The following VWA2 variants were observed in gnomAD, a reference collection of about 807,000 sequenced individuals.
VWA2 encodes the protein von Willebrand factor A domain-containing protein 2.
Under a neutral mutation model 70.4 loss-of-function variants are expected in VWA2, and 73 were observed. That is an observed-to-expected ratio of 1.04 (90% CI 0.86 to 1.26). The LOEUF is 1.26. Among genes scored for constraint, VWA2 ranks in the 50% most tolerant of loss-of-function variants. The pLI is 0.00. For synonymous variants in VWA2, 407 were observed against 423.3 expected, an observed-to-expected ratio of 0.96 and a Z score of 0.47; for missense variants, 1,011 against 998.5, an observed-to-expected ratio of 1.01 and a Z score of -0.17.
At chr10:114,242,344 A>G (rs2036987586) in intron 1 of VWA2, among the ~76,000 whole-genome samples, 1 of 152,210 alleles carries the variant, frequency 6.6e-6, no homozygotes, top group South Asian at 2.1e-4. Flanking sequence ...GAATTTACCC[A>G]GGAGGCTCAT....
intron 6 of VWA2, among the ~76,000 whole-genome samples, chr10:114,273,427 A>G (rs989260712): frequency 1.3e-5 from 2 of 152,196 alleles, no homozygotes; most frequent in Admixed American, 6.5e-5. Flanking sequence ...TCCACAGTTT[A>G]ACAATCCAAT....
chr10:114,242,409 A>C (rs1453332328), intron 1 of VWA2, among the ~76,000 whole-genome samples: 1 of 152,170 alleles, frequency 6.6e-6, no homozygotes, highest in African/African-American at 2.4e-5. Context: ...TGTGTACCGC[A>C]TGCCTCATAG....
rs1403193809 is a variant in VWA2 at position 114,278,637 on chromosome 10, G to A, written c.701-82G>A. 4 of 1,577,034 alleles carry A rather than the reference G, an allele frequency of 2.5e-6. No individual in the cohort carries two copies. The African/African-American group carries it at 4.0e-5, about 16-fold the overall frequency. Reference sequence around the variant, plus strand: ...GTGGTGGAACCTCCCAGGAGCGGGAGCAGCTGCTGGGGAAGCGTGTGTGGC... The same window carrying A: ...GTGGTGGAACCTCCCAGGAGCGGGAACAGCTGCTGGGGAAGCGTGTGTGGC... On this transcript the variant is annotated intron_variant, in intron 7 of 13. Coordinates refer to ENST00000392982, the MANE Select transcript of VWA2 (RefSeq NM_001272046.2).
chr10:114,263,406 T>C (rs946593384), intron 5 of VWA2, among the ~76,000 whole-genome samples: 4 of 145,064 alleles, frequency 2.8e-5, no homozygotes, highest in Admixed American at 1.4e-4. Context: ...GCACGATCTC[T>C]GCTCACTGCA....
intron 7 of VWA2, among the ~76,000 whole-genome samples, chr10:114,278,428 A>T (rs934591304): frequency 1.3e-5 from 2 of 152,226 alleles, no homozygotes; most frequent in African/African-American, 2.4e-5. Flanking sequence ...GGGTCCACCC[A>T]GGAGCCACAT....
intron 11 of VWA2, among the ~76,000 whole-genome samples, 177 bp downstream of exon 11, chr10:114,286,688 G>T (rs1466191479): frequency 6.6e-6 from 1 of 152,244 alleles, no homozygotes; most frequent in African/African-American, 2.4e-5. Context: ...AACAAAATGG[G>T]ACTAATAGTA....
chr10:114,270,003 A>G (rs1222210301), intron 5 of VWA2, among the ~76,000 whole-genome samples: 1 of 152,250 alleles, frequency 6.6e-6, no homozygotes, highest in Non-Finnish European at 1.5e-5. Context: ...TAAAAGTTGT[A>G]TAGTACATAA....
At chr10:114,246,745 A>G (rs2037081202) in intron 1 of VWA2, 45 of 1,469,334 alleles carry the variant, frequency 3.1e-5, no homozygotes, top group Non-Finnish European at 4.3e-5. Flanking sequence ...AAATCCTTGA[A>G]CCAGGGCTGC....
intron 5 of VWA2, among the ~76,000 whole-genome samples, chr10:114,268,763 T>C (rs1353781418): frequency 1.3e-5 from 2 of 151,628 alleles, no homozygotes; most frequent in Admixed American, 1.3e-4. Context: ...GGCGCGATCT[T>C]GGCTCACTGC....
intron 4 of VWA2, among the ~76,000 whole-genome samples, chr10:114,255,789 C>A (rs1032155166): frequency 6.6e-6 from 1 of 151,348 alleles, no homozygotes. Flanking sequence ...TTTTAACAAT[C>A]CAATAGAAAA....
Position 114,292,037 on chromosome 10 carries a change from G to A in VWA2, c.*800G>A, listed in dbSNP as rs950409234. On this transcript the variant is annotated 3_prime_UTR_variant, in exon 14 of 14. Coordinates refer to ENST00000392982, the MANE Select transcript of VWA2 (RefSeq NM_001272046.2). The stretch of plus-strand genomic sequence containing the variant: ...TCATGCCTGTAATCCCAGCACTTTG[G>A]AGGCTGAGGCAGGTGGATCACCCGA... Among the ~76,000 whole-genome samples, 2 of 152,148 alleles carry A rather than the reference G, an allele frequency of 1.3e-5. No individual in the cohort carries two copies. The highest frequency in any genetic ancestry group is 4.8e-5 in the African/African-American group (2 of 41,452).
At chr10:114,262,751 T>C (rs1316603390) in intron 5 of VWA2, among the ~76,000 whole-genome samples, 1 of 152,190 alleles carries the variant, frequency 6.6e-6, no homozygotes, top group Non-Finnish European at 1.5e-5. Context: ...CCCAGCCCTT[T>C]CCTCTGCCGT....
chr10:114,273,564 A>T (rs2037757527), intron 6 of VWA2, among the ~76,000 whole-genome samples: 1 of 152,190 alleles, frequency 6.6e-6, no homozygotes, highest in East Asian at 1.9e-4. Context: ...AGAAGAGAGG[A>T]GGGTACAGAT....
Position 114,254,907 on chromosome 10 carries a change from C to A in VWA2, c.128-8C>A. ...CTGGTTGTCATCTGTCTGTCCCGCT[C>A]TCCCTAGTGATGTGGTGCTCGGCTG... On this transcript the variant is annotated splice_region_variant and splice_polypyrimidine_tract_variant and intron_variant, in intron 3 of 13. Transcript: ENST00000392982. 6.2e-7 allele frequency: 1 copy of A among 1,612,144 alleles called. No homozygotes were observed. The highest frequency in any genetic ancestry group is 1.1e-5 in the South Asian group (1 of 90,958).
chr10:114,280,441 G>A (rs926487916), intron 8 of VWA2, among the ~76,000 whole-genome samples: 4 of 152,158 alleles, frequency 2.6e-5, no homozygotes, highest in Non-Finnish European at 4.4e-5. Flanking sequence ...TGGGGTAGGC[G>A]GGGGGTTGGG....
intron 10 of VWA2, among the ~76,000 whole-genome samples, chr10:114,285,459 A>G (rs2038748112): frequency 1.3e-5 from 2 of 152,238 alleles, no homozygotes; most frequent in South Asian, 4.1e-4. Context: ...TAAGGGCTTG[A>G]TGAATAATAA....
At chr10:114,282,014 TACC>T (rs1380193882) in intron 8 of VWA2, among the ~76,000 whole-genome samples, 1 of 118,314 alleles carries the variant, frequency 8.5e-6, no homozygotes, top group Non-Finnish European at 1.8e-5. Context: ...CAGCTTATGT[TACC>T]TTTTTTTTTT....
At chr10:114,265,303 A>ATG (rs2037538395) in intron 5 of VWA2, among the ~76,000 whole-genome samples, 1 of 152,254 alleles carries the variant, frequency 6.6e-6, no homozygotes, top group Non-Finnish European at 1.5e-5. Flanking sequence ...TATATGCAGT[A>ATG]TGCATTTTCG....
In VWA2 at chr10:114,286,154, G is replaced by A; in HGVS notation, c.1213G>A (p.Asp405Asn). The part of the protein sequence containing the change: ...VPVGEYQDVP[D>N]LVWSLDGIPF... ...TGTGGGGGAGTACCAGGATGTGCCT[G>A]ACCTGGTCTGGAGCCTCGATGGCAT... Residue 405 changes from aspartate (D) to asparagine (N), a missense_variant, in exon 11 of 14, where the codon GAC (aspartate) becomes AAC (asparagine). By Grantham distance (23) the Asp-to-Asn change is conservative. Transcript: ENST00000392982. 1 of 1,614,096 alleles carries A rather than the reference G, an allele frequency of 6.2e-7. No homozygotes were observed. Among genetic ancestry groups the A allele is most frequent in the Non-Finnish European group, 8.5e-7 (1 of 1,180,014 alleles).
Sources: gnomAD v4.1 joint callset for allele counts (sites outside exome capture counted in the v4.1 genomes callset) on GRCh38, gnomAD v4.1.1 for gene constraint, MANE v1.5 for transcripts, NCBI Gene and HGNC (gene_info 2026-07-23, HGNC 2026-07-21) for gene names.